The following WWOX variants were observed in gnomAD, a reference collection of about 807,000 sequenced individuals.
WWOX encodes WW domain containing oxidoreductase.
Under a neutral mutation model 46.2 loss-of-function variants are expected in WWOX, and 69 were observed. The observed-to-expected ratio is 1.49, with a 90% CI of 1.23 to 1.82. WWOX has a LOEUF of 1.82. WWOX is among the 40% of genes most tolerant of loss of function. The pLI is 0.00. For missense variants in WWOX, 919 were observed against 542.6 expected (o/e 1.69, Z -6.89); for synonymous variants, 359 against 202.6 (o/e 1.77, Z -6.56).
intron 8 of WWOX, among the ~76,000 whole-genome samples, chr16:79,021,158 A>G (rs1329648432): frequency 1.3e-5 from 2 of 152,200 alleles, no homozygotes; most frequent in Non-Finnish European, 2.9e-5. Context: ...TGAATTCGTG[A>G]ATATGTTTAT....
chr16:78,606,742 T>A (rs1015322181), intron 8 of WWOX, among the ~76,000 whole-genome samples: 43 of 111,096 alleles, frequency 3.9e-4, no homozygotes, highest in Non-Finnish European at 7.4e-4. Context: ...TTTTTTTTTT[T>A]AAATAGGGGA....
At chr16:78,312,823 A>G (rs1275813602) in intron 5 of WWOX, among the ~76,000 whole-genome samples, 2 of 152,204 alleles carry the variant, frequency 1.3e-5, no homozygotes, top group Non-Finnish European at 2.9e-5. Flanking sequence ...AACCAACCAG[A>G]CAGGCCTAGG....
At chr16:78,557,984 T>G (rs933747680) in intron 8 of WWOX, among the ~76,000 whole-genome samples, 1 of 152,054 alleles carries the variant, frequency 6.6e-6, no homozygotes, top group African/African-American at 2.4e-5. Context: ...TTTCATTGGA[T>G]TTCTACACTG....
chr16:79,151,427 G>C (rs1423301119), intron 8 of WWOX, among the ~76,000 whole-genome samples: 1 of 152,148 alleles, frequency 6.6e-6, no homozygotes, highest in South Asian at 2.1e-4. Context: ...TGGTTACCCT[G>C]GACCAGACAT....
intron 8 of WWOX, among the ~76,000 whole-genome samples, chr16:78,883,154 CA>C (rs2044379601): frequency 6.6e-6 from 1 of 152,120 alleles, no homozygotes; most frequent in South Asian, 2.1e-4. Context: ...TGCCTAGGCA[CA>C]AAATAACTCA....
chr16:78,440,815 C>G (rs573079688), intron 8 of WWOX, among the ~76,000 whole-genome samples: 1 of 152,072 alleles, frequency 6.6e-6, no homozygotes, highest in African/African-American at 2.4e-5. Flanking sequence ...AGCGGGGTTT[C>G]AACATGTTGG....
intron 8 of WWOX, among the ~76,000 whole-genome samples, chr16:78,492,601 C>G (rs769829782): frequency 9.2e-5 from 14 of 152,216 alleles, no homozygotes; most frequent in Non-Finnish European, 2.1e-4. Context: ...CATGGAATCA[C>G]TGTTTCTCCT....
chr16:79,183,100 T>G (rs1347843907), intron 8 of WWOX, among the ~76,000 whole-genome samples: 2 of 152,196 alleles, frequency 1.3e-5, no homozygotes, highest in African/African-American at 4.8e-5. Context: ...ACTCCACTGC[T>G]GGCCTTCATG....
intron 8 of WWOX, among the ~76,000 whole-genome samples, chr16:79,159,632 C>A (rs1319308592): frequency 6.6e-6 from 1 of 152,158 alleles, no homozygotes; most frequent in Non-Finnish European, 1.5e-5. Flanking sequence ...GATTGTCTCT[C>A]CCCGTGTCCC....
intron 8 of WWOX, among the ~76,000 whole-genome samples, chr16:79,159,902 G>A (rs771805601): frequency 6.6e-6 from 1 of 152,138 alleles, no homozygotes; most frequent in African/African-American, 2.4e-5. Flanking sequence ...TCTTTGAAGA[G>A]GATCTTCATT....
At chr16:78,761,817 A>G (rs2049801793) in intron 8 of WWOX, among the ~76,000 whole-genome samples, 1 of 152,152 alleles carries the variant, frequency 6.6e-6, no homozygotes, top group Non-Finnish European at 1.5e-5. Flanking sequence ...TAGGAGAGAA[A>G]TCATGCAGTA....
At chr16:78,979,321 T>C (rs890716953) in intron 8 of WWOX, among the ~76,000 whole-genome samples, 1 of 152,192 alleles carries the variant, frequency 6.6e-6, no homozygotes, top group Non-Finnish European at 1.5e-5. Flanking sequence ...TATAGTTTTT[T>C]TTCTATCATA....
intron 5 of WWOX, among the ~76,000 whole-genome samples, chr16:78,351,409 A>G (rs1282858564): frequency 2.0e-5 from 3 of 152,212 alleles, no homozygotes; most frequent in Non-Finnish European, 4.4e-5. Context: ...TGGTTTAGCC[A>G]GAACTATGGC....
At chr16:78,856,144 G>A (rs2052561010) in intron 8 of WWOX, among the ~76,000 whole-genome samples, 1 of 152,206 alleles carries the variant, frequency 6.6e-6, no homozygotes, top group South Asian at 2.1e-4. Context: ...GGGTTGAAAA[G>A]AGTCAGTCTG....
At chr16:78,184,082 C>G (rs578125009) in intron 5 of WWOX, among the ~76,000 whole-genome samples, 4 of 152,286 alleles carry the variant, frequency 2.6e-5, no homozygotes, top group African/African-American at 7.2e-5. Flanking sequence ...ATGCTTGGCA[C>G]AGACCTCGGT....
chr16:78,784,285 A>G (rs1276100480), intron 8 of WWOX, among the ~76,000 whole-genome samples: 1 of 152,158 alleles, frequency 6.6e-6, no homozygotes, highest in Non-Finnish European at 1.5e-5. Context: ...GTTCACAGGC[A>G]GAAAAGAGAC....
chr16:78,575,203 C>T (rs8063541), intron 8 of WWOX, among the ~76,000 whole-genome samples: 141,003 of 142,310 alleles, frequency 0.99, 69,867 homozygotes, highest in Middle Eastern at 1. Flanking sequence ...GGATGAGAAA[C>T]CATCTCTGGG....
At chr16:78,747,098 C>T (rs2049365671) in intron 8 of WWOX, among the ~76,000 whole-genome samples, 1 of 152,110 alleles carries the variant, frequency 6.6e-6, no homozygotes, top group Non-Finnish European at 1.5e-5. Context: ...TCTTTCTTTT[C>T]CTGGGACCCA....
chr16:79,159,818 T>A (rs1036298987), intron 8 of WWOX, among the ~76,000 whole-genome samples: 1 of 152,204 alleles, frequency 6.6e-6, no homozygotes, highest in African/African-American at 2.4e-5. Context: ...ATCCTTCTAG[T>A]TGAGTCAGGA....
Sources: allele counts gnomAD v4.1 joint callset (sites outside exome capture counted in the v4.1 genomes callset), GRCh38; gene constraint gnomAD v4.1.1; transcripts MANE v1.5; gene names NCBI Gene and HGNC (gene_info 2026-07-23, HGNC 2026-07-21).